LUZP2: variants seen among roughly 807,000 people sequenced by gnomAD.
The protein encoded by LUZP2 is leucine zipper protein 2.
In LUZP2, 52 loss-of-function variants were observed where a neutral mutation model predicts 51.6. The observed-to-expected ratio is 1.01, with a 90% confidence interval of 0.81 to 1.27. The LOEUF is 1.27. LUZP2 is among the 50% of genes most tolerant of loss of function. The pLI is 0.00. For synonymous variants in LUZP2, 154 were observed against 137.3 expected (o/e 1.12, Z -0.85); for missense variants, 436 against 395.4 (o/e 1.10, Z -0.87).
intron 9 of LUZP2, among the ~76,000 whole-genome samples, chr11:25,047,441 T>G (rs1407062950): frequency 2.0e-5 from 3 of 151,326 alleles, no homozygotes; most frequent in Non-Finnish European, 4.4e-5. Flanking sequence ...TTTTTAACAC[T>G]GGTATCCAAT....
chr11:24,731,276 T>G (rs1858702943), intron 2 of LUZP2, among the ~76,000 whole-genome samples: 1 of 151,866 alleles, frequency 6.6e-6, no homozygotes. Flanking sequence ...AAATAAATAT[T>G]AAGTAAACAA....
chr11:25,044,257 G>GTATATA (rs1235208041), intron 9 of LUZP2, among the ~76,000 whole-genome samples: 9 of 60,784 alleles, frequency 1.5e-4, no homozygotes, highest in East Asian at 5.8e-4. Context: ...GTGTGTGTGT[G>GTATATA]TATATATATA....
At chr11:24,505,386 T>C (rs1850117365) in intron 1 of LUZP2, among the ~76,000 whole-genome samples, 1 of 152,168 alleles carries the variant, frequency 6.6e-6, no homozygotes, top group Non-Finnish European at 1.5e-5. Context: ...GAATCAGCCT[T>C]CCTTGTTATA....
intron 1 of LUZP2, among the ~76,000 whole-genome samples, chr11:24,546,582 T>C (rs1450604022): frequency 6.6e-6 from 1 of 152,144 alleles, no homozygotes; most frequent in Non-Finnish European, 1.5e-5. Flanking sequence ...CATTTATTGA[T>C]TTGCTTATGT....
At chr11:24,983,753 G>T (rs1325784569) in intron 9 of LUZP2, among the ~76,000 whole-genome samples, 1 of 149,844 alleles carries the variant, frequency 6.7e-6, no homozygotes, top group South Asian at 2.1e-4. Context: ...GTGTGTTTAG[G>T]TGTATTTACA....
intron 5 of LUZP2, among the ~76,000 whole-genome samples, chr11:24,804,998 C>T (rs558469904): frequency 3.0e-5 from 4 of 131,398 alleles, no homozygotes; most frequent in Non-Finnish European, 6.6e-5. Flanking sequence ...TGCCACCACA[C>T]CCGGCTAACT....
intron 7 of LUZP2, among the ~76,000 whole-genome samples, chr11:24,931,482 A>G (rs1281161586): frequency 6.6e-6 from 1 of 152,130 alleles, no homozygotes; most frequent in Non-Finnish European, 1.5e-5. Context: ...GGCCCAGGGG[A>G]CTGGCATTCA....
intron 5 of LUZP2, among the ~76,000 whole-genome samples, chr11:24,838,372 T>C (rs1306674215): frequency 6.6e-6 from 1 of 151,670 alleles, no homozygotes; most frequent in Non-Finnish European, 1.5e-5. Flanking sequence ...AATTTTGTTT[T>C]CTAAAGATAC....
At chr11:25,030,890 A>ATT (rs1565254061) in intron 9 of LUZP2, among the ~76,000 whole-genome samples, 4 of 10,060 alleles carry the variant, frequency 4.0e-4, no homozygotes, top group South Asian at 0.014. Flanking sequence ...TACTATATAT[A>ATT]TTATATATAT....
At chr11:24,846,582 T>C (rs1419478659) in intron 5 of LUZP2, among the ~76,000 whole-genome samples, 5 of 152,082 alleles carry the variant, frequency 3.3e-5, no homozygotes, top group African/African-American at 9.7e-5. Context: ...AGTCTAGTTG[T>C]CTATTAAAGA....
chr11:24,958,269 G>C (rs1240175651), intron 7 of LUZP2, among the ~76,000 whole-genome samples: 1 of 152,186 alleles, frequency 6.6e-6, no homozygotes, highest in Non-Finnish European at 1.5e-5. Flanking sequence ...TATATACCCA[G>C]TAATGGGATG....
At chr11:24,555,824 A>G (rs1337764663) in intron 1 of LUZP2, among the ~76,000 whole-genome samples, 1 of 152,078 alleles carries the variant, frequency 6.6e-6, no homozygotes, top group Non-Finnish European at 1.5e-5. Flanking sequence ...ATAAAGAATA[A>G]AAAAATTAGC....
intron 1 of LUZP2, among the ~76,000 whole-genome samples, chr11:24,624,597 G>T (rs571486086): frequency 6.6e-6 from 1 of 152,098 alleles, no homozygotes; most frequent in African/African-American, 2.4e-5. Flanking sequence ...TGGTAATGGC[G>T]AGAGGTTATT....
chr11:25,065,560 A>T (rs1347560123), intron 10 of LUZP2, among the ~76,000 whole-genome samples: 1 of 152,064 alleles, frequency 6.6e-6, no homozygotes, highest in Non-Finnish European at 1.5e-5. Context: ...ACATTGACTA[A>T]ACATAGATTC....
intron 1 of LUZP2, among the ~76,000 whole-genome samples, chr11:24,640,054 C>G (rs920877119): frequency 6.6e-6 from 1 of 151,860 alleles, no homozygotes; most frequent in Non-Finnish European, 1.5e-5. Flanking sequence ...AGACAGGCTC[C>G]TACCCTCCCA....
intron 5 of LUZP2, among the ~76,000 whole-genome samples, chr11:24,847,198 G>T (rs116015796): frequency 0.014 from 2,089 of 151,862 alleles, 52 homozygotes; most frequent in African/African-American, 0.046. Context: ...AATCAGCATT[G>T]TATATATTCA....
chr11:24,843,172 T>C (rs561643374), intron 5 of LUZP2, among the ~76,000 whole-genome samples: 112 of 152,110 alleles, frequency 7.4e-4, no homozygotes, highest in African/African-American at 2.6e-3. Flanking sequence ...TTACTAAAAC[T>C]GACTAAATAA....
At chr11:24,689,447 C>G (rs931220887) in intron 1 of LUZP2, among the ~76,000 whole-genome samples, 1 of 152,180 alleles carries the variant, frequency 6.6e-6, no homozygotes, top group Non-Finnish European at 1.5e-5. Context: ...GCCTGCTCAC[C>G]CAGCTCCTGA....
In LUZP2 at chr11:24,735,386, C is replaced by G. The variant is rs1299186977; in HGVS notation, c.252-2835C>G. On this transcript the variant is annotated intron_variant, in intron 3 of 11. Transcript: ENST00000336930. ...ACAACAAGGAGAATAAGAAATAGGA[C>G]AGGACCCTGAAATGTCTGAAAATTT... Among the ~76,000 whole-genome samples, 7 of 152,008 alleles carry G rather than the reference C, an allele frequency of 4.6e-5. No individual in the cohort carries two copies. In the East Asian group the frequency reaches 1.4e-3, roughly 30 times the overall value.
Sources: gnomAD v4.1 joint callset for allele counts (sites outside exome capture counted in the v4.1 genomes callset) on GRCh38, gnomAD v4.1.1 for gene constraint, MANE v1.5 for transcripts, NCBI Gene and HGNC (gene_info 2026-07-23, HGNC 2026-07-21) for gene names.